The following TBXAS1 variants were observed in gnomAD, a reference collection of about 807,000 sequenced individuals.
TBXAS1 encodes thromboxane A synthase 1.
Under a neutral mutation model 60.7 loss-of-function variants are expected in TBXAS1, and 48 were observed. That is an observed-to-expected ratio of 0.79 (90% CI 0.63 to 1.01). TBXAS1 has a LOEUF of 1.01. Among genes scored for constraint, TBXAS1 ranks in the 50% least tolerant of loss-of-function variants. The pLI, the probability that TBXAS1 is intolerant of heterozygous loss-of-function variation, is 0.00. For missense variants in TBXAS1, 685 were observed against 686.3 expected (o/e 1.00, Z 0.02); for synonymous variants, 287 against 269.7 (o/e 1.06, Z -0.63).
chr7:139,870,137 T>C (rs1231908964), intron 1 of TBXAS1, among the ~76,000 whole-genome samples: 2 of 152,206 alleles, frequency 1.3e-5, no homozygotes, highest in Non-Finnish European at 2.9e-5. Flanking sequence ...TTTGTGGTGG[T>C]GTCCAGGACA....
At chr7:139,995,702 C>T (rs1006008357) in intron 9 of TBXAS1, among the ~76,000 whole-genome samples, 6 of 152,210 alleles carry the variant, frequency 3.9e-5, no homozygotes, top group African/African-American at 1.4e-4. Context: ...CACGTGGAGT[C>T]AGAATCTTTC....
intron 4 of TBXAS1, among the ~76,000 whole-genome samples, chr7:139,812,073 C>T (rs1798033483): frequency 6.6e-6 from 1 of 152,216 alleles, no homozygotes; most frequent in Non-Finnish European, 1.5e-5. Flanking sequence ...CAGTCTTCCA[C>T]AGGTGGTAGT....
intron 11 of TBXAS1, 21 bp downstream of exon 11, chr7:140,015,881 A>T: frequency 6.2e-7 from 1 of 1,613,380 alleles, no homozygotes; most frequent in South Asian, 1.1e-5. Flanking sequence ...CCCCTTTTAA[A>T]AAGCTCTGAA....
At chr7:139,958,732 A>G (rs1033338991) in intron 8 of TBXAS1, among the ~76,000 whole-genome samples, 2 of 152,170 alleles carry the variant, frequency 1.3e-5, no homozygotes, top group African/African-American at 4.8e-5. Flanking sequence ...TGTGCAGCAA[A>G]CGTGTCTAGA....
chr7:139,931,386 C>G (rs1405537705), intron 4 of TBXAS1, among the ~76,000 whole-genome samples: 1 of 152,204 alleles, frequency 6.6e-6, no homozygotes, highest in East Asian at 1.9e-4. Flanking sequence ...GAGTCCCCTT[C>G]CTGCATGACA....
At chr7:139,937,926 G>A (rs2107902) in intron 5 of TBXAS1, among the ~76,000 whole-genome samples, 4,478 of 151,818 alleles carry the variant, frequency 0.029, 198 homozygotes, top group African/African-American at 0.1. Flanking sequence ...GTGGAAAGCT[G>A]GGGGGTGGGG....
intron 3 of TBXAS1, chr7:139,906,099 A>G: frequency 2.5e-6 from 1 of 402,520 alleles, no homozygotes; most frequent in South Asian, 1.8e-5. Flanking sequence ...TCTGTCTCCC[A>G]GTCTGTAGTG....
At chr7:139,875,879 T>C in intron 3 of TBXAS1, 1 of 556,776 alleles carries the variant, frequency 1.8e-6, no homozygotes, top group Non-Finnish European at 3.2e-6. Context: ...TTTCCAGCCT[T>C]TGCAGCCTTG....
chr7:139,887,776 T>G (rs866881858), intron 3 of TBXAS1, among the ~76,000 whole-genome samples: 1 of 152,232 alleles, frequency 6.6e-6, no homozygotes, highest in Non-Finnish European at 1.5e-5. Flanking sequence ...TTAGTTCTTT[T>G]GGGTATATAT....
intron 4 of TBXAS1, among the ~76,000 whole-genome samples, chr7:139,810,326 GC>G (rs1226147123): frequency 6.6e-6 from 1 of 152,090 alleles, no homozygotes; most frequent in Non-Finnish European, 1.5e-5. Flanking sequence ...GAGCCACTGT[GC>G]CCGGCCTGGA....
chr7:139,962,126 T>C lies in TBXAS1; in HGVS notation c.1027T>C (p.Tyr343His). The stretch of plus-strand genomic sequence containing the variant: ...GGCCTTCATCTTCCTCATCGCTGGC[T>C]ATGAAATCATCACCAACACACTTTC... ...GQAFIFLIAG[Y>H]EIITNTLSFA... Residue 343 changes from tyrosine (Y) to histidine (H), a missense_variant, in exon 9 of 13, where the codon TAT becomes CAT. Tyr to His is a moderately conservative substitution (Grantham distance 83, BLOSUM62 2). Transcript: ENST00000448866. 1 of 1,614,208 alleles carries C rather than the reference T, an allele frequency of 6.2e-7. No homozygotes were observed. The highest frequency in any genetic ancestry group is 1.1e-5 in the South Asian group (1 of 91,082).
chr7:139,838,489 G>T (rs1799214380), intron 1 of TBXAS1, among the ~76,000 whole-genome samples: 1 of 152,144 alleles, frequency 6.6e-6, no homozygotes. Flanking sequence ...TCCCTTTCCT[G>T]AAAGCTTGCT....
intron 1 of TBXAS1, among the ~76,000 whole-genome samples, chr7:139,849,019 C>G (rs568991177): frequency 1.3e-5 from 2 of 151,964 alleles, no homozygotes; most frequent in African/African-American, 4.8e-5. Context: ...AAAAACTTAA[C>G]GTGAATGGAC....
chr7:139,972,294 A>AG (rs1451726959), intron 9 of TBXAS1, among the ~76,000 whole-genome samples: 1 of 152,178 alleles, frequency 6.6e-6, no homozygotes. Flanking sequence ...GGGCCTCTAG[A>AG]GGGACCAAGC....
intron 4 of TBXAS1, among the ~76,000 whole-genome samples, chr7:139,801,716 C>G (rs539805385): frequency 6.6e-6 from 1 of 152,214 alleles, no homozygotes; most frequent in African/African-American, 2.4e-5. Context: ...TCTTCCATTG[C>G]CAGTTGTAAC....
chr7:139,898,487 G>A (rs1389526991), intron 3 of TBXAS1, among the ~76,000 whole-genome samples: 1 of 131,210 alleles, frequency 7.6e-6, no homozygotes, highest in Non-Finnish European at 1.5e-5. Context: ...GGAAAGCAAT[G>A]GCGCAATTTT....
chr7:139,872,446 G>A, intron 2 of TBXAS1, 118 bp downstream of exon 2: 1 of 964,094 alleles, frequency 1.0e-6, no homozygotes. Flanking sequence ...CCTGAGGTCA[G>A]GAGTTCGAGA....
intron 1 of TBXAS1, among the ~76,000 whole-genome samples, chr7:139,779,425 A>C (rs1179358566): frequency 6.6e-6 from 1 of 152,238 alleles, no homozygotes; most frequent in East Asian, 1.9e-4. Flanking sequence ...TCACGTTTGC[A>C]GAATCCTAGA....
chr7:139,846,864 C>T (rs1006365597), intron 1 of TBXAS1, among the ~76,000 whole-genome samples: 3 of 152,008 alleles, frequency 2.0e-5, no homozygotes, highest in East Asian at 3.9e-4. Flanking sequence ...AGCCATAGTG[C>T]GGCAGGTTTA....
Sources: gnomAD v4.1 joint callset for allele counts (sites outside exome capture counted in the v4.1 genomes callset) on GRCh38, gnomAD v4.1.1 for gene constraint, MANE v1.5 for transcripts, NCBI Gene and HGNC (gene_info 2026-07-23, HGNC 2026-07-21) for gene names.